The following SNX14 variants were observed in gnomAD, a reference collection of about 807,000 sequenced individuals.
The protein encoded by SNX14 is sorting nexin-14.
Under a neutral mutation model 133.8 loss-of-function variants are expected in SNX14, and 93 were observed. The observed-to-expected ratio is 0.70, with a 90% CI of 0.59 to 0.83. The LOEUF (loss-of-function observed/expected upper bound fraction) is 0.83. SNX14 is among the 40% of genes least tolerant of loss of function. The pLI, the probability that SNX14 is intolerant of heterozygous loss-of-function variation, is 0.00. For missense variants in SNX14, 945 were observed against 1,094.9 expected (o/e 0.86, Z 1.93); for synonymous variants, 368 against 365.6 (o/e 1.01, Z -0.07).
At chr6:85,580,852 A>G (rs1280271691) in intron 1 of SNX14, among the ~76,000 whole-genome samples, 4 of 152,054 alleles carry the variant, frequency 2.6e-5, no homozygotes, top group Non-Finnish European at 4.4e-5. Flanking sequence ...CACCAGGTAG[A>G]TTTCTAAGGT....
chr6:85,547,632 T>C (rs576015747), intron 9 of SNX14, 82 bp from the exon 10 acceptor site: 6 of 1,192,268 alleles, frequency 5.0e-6, no homozygotes, highest in Admixed American at 5.9e-5. Flanking sequence ...TATCATATTA[T>C]GTAAGTTTCT....
chr6:85,567,649 G>A, intron 4 of SNX14, 72 bp from the exon 5 acceptor site: 4 of 991,842 alleles, frequency 4.0e-6, no homozygotes, highest in Non-Finnish European at 5.8e-6. Context: ...TACCATTTGG[G>A]AATATGTAAC....
intron 26 of SNX14, among the ~76,000 whole-genome samples, chr6:85,510,785 A>G (rs968012595): frequency 1.3e-5 from 2 of 152,160 alleles, no homozygotes; most frequent in African/African-American, 4.8e-5. Flanking sequence ...AGTTGCTGTA[A>G]GTCTGTTCTT....
chr6:85,573,921 T>C (rs991301251), intron 2 of SNX14, among the ~76,000 whole-genome samples: 2 of 152,152 alleles, frequency 1.3e-5, no homozygotes, highest in Non-Finnish European at 2.9e-5. Flanking sequence ...TCCAACTTTC[T>C]GAAACTTTTG....
chr6:85,548,177 G>A, intron 9 of SNX14, 124 bp downstream of exon 9: 1 of 668,798 alleles, frequency 1.5e-6, no homozygotes, highest in Non-Finnish European at 2.5e-6. Context: ...TGGGGAATGG[G>A]GATGGTTGCA....
In SNX14 at chr6:85,590,917, A is replaced by G. The variant is rs1211964139; in HGVS notation, c.140+2662T>C. Among the ~76,000 whole-genome samples, 3 of 152,220 alleles carry G rather than the reference A, an allele frequency of 2.0e-5. No homozygotes were observed. In the East Asian group the frequency reaches 5.8e-4, roughly 29 times the overall value. ...TTTATTTATCTTGAAATGGCAGGCA[A>G]TCACAGCTGCAAACCTCAATCCATA... On this transcript the variant is annotated intron_variant, in intron 1 of 28. Transcript: ENST00000314673.
At chr6:85,530,328 G>T in intron 18 of SNX14, 53 bp from the exon 19 acceptor site, 1 of 1,146,090 alleles carries the variant, frequency 8.7e-7, no homozygotes, top group Non-Finnish European at 1.3e-6. Flanking sequence ...AAACCTAAAA[G>T]AATGCCATAT....
chr6:85,515,421 G>A (rs922401848), intron 23 of SNX14, among the ~76,000 whole-genome samples: 2 of 149,774 alleles, frequency 1.3e-5, no homozygotes, highest in Non-Finnish European at 3.0e-5. Context: ...ACTAAAACAA[G>A]ATATTAAGAA....
chr6:85,518,003 C>T lies in SNX14; in HGVS notation c.2148+5G>A. On this transcript the variant is annotated splice_donor_5th_base_variant and intron_variant, in intron 22 of 28. Coordinates refer to ENST00000314673, the MANE Select transcript of SNX14 (RefSeq NM_153816.6). ...TTATAGAACACACATAAATCAGTTA[C>T]TCACCTCTTTCATTAGTTTTCCAGG... is the stretch of plus-strand genomic sequence containing the variant. 6.2e-7 allele frequency: 1 copy of T among 1,601,880 alleles called. No homozygotes were observed. The highest frequency in any genetic ancestry group is 8.5e-7 in the Non-Finnish European group (1 of 1,173,828).
rs527678843 is a variant in SNX14, at chr6:85,567,542, C to T, written c.453G>A (p.Pro151=). Residue 151 remains proline, a synonymous_variant, in exon 5 of 29, where the codon CCG becomes CCA. Transcript: ENST00000314673. ...LELVLENFVY[P]WYRDVTDDES... ...TTATAGAAAGAACATACCTGTACCA[C>T]GGATAAACAAAGTTTTCCAACACTA... The T allele has an allele frequency of 1.1e-5, 16 of 1,502,328 alleles. No individual in the cohort carries two copies. Among genetic ancestry groups the T allele is most frequent in the South Asian group, 2.7e-5 (2 of 74,348 alleles). The allele number at this position is 1,502,328 out of a possible 1,614,324, so 93.1% of individuals were successfully genotyped here.
At chr6:85,537,848 C>G (rs1782428731) in intron 16 of SNX14, among the ~76,000 whole-genome samples, 1 of 152,102 alleles carries the variant, frequency 6.6e-6, no homozygotes, top group Non-Finnish European at 1.5e-5. Context: ...ACTAGGAAGG[C>G]TGACACAGAA....
intron 1 of SNX14, among the ~76,000 whole-genome samples, chr6:85,588,437 C>T (rs540586476): frequency 9.6e-4 from 145 of 151,446 alleles, no homozygotes; most frequent in African/African-American, 3.4e-3. Context: ...ATTAGCCGGG[C>T]GCGGTGGCGG....
intron 15 of SNX14, among the ~76,000 whole-genome samples, chr6:85,541,245 G>A (rs527523737): frequency 6.6e-5 from 10 of 152,168 alleles, no homozygotes; most frequent in East Asian, 5.8e-4. Flanking sequence ...CCCACGTCTC[G>A]GCCTCACAAA....
intron 1 of SNX14, among the ~76,000 whole-genome samples, chr6:85,580,028 G>A (rs541499291): frequency 7.2e-5 from 11 of 152,308 alleles, no homozygotes; most frequent in African/African-American, 2.6e-4. Flanking sequence ...GAAGGCTTGT[G>A]AAACCCCTCT....
intron 26 of SNX14, 25 bp from the exon 27 acceptor site, chr6:85,508,084 A>G: frequency 6.2e-7 from 1 of 1,603,738 alleles, no homozygotes; most frequent in Non-Finnish European, 8.5e-7. Context: ...CAAATGTGAA[A>G]TAATTTTATA....
intron 1 of SNX14, among the ~76,000 whole-genome samples, chr6:85,591,944 T>C (rs1802887580): frequency 6.6e-6 from 1 of 152,166 alleles, no homozygotes; most frequent in African/African-American, 2.4e-5. Context: ...ACCTGGAAGG[T>C]GGCTGTTGCA....
chr6:85,530,643 T>C (rs1460938856), intron 18 of SNX14, among the ~76,000 whole-genome samples: 1 of 128,004 alleles, frequency 7.8e-6, no homozygotes, highest in Non-Finnish European at 1.6e-5. Flanking sequence ...AGACTCTGTC[T>C]CAAAAAAAAA....
rs537331203 is a variant in SNX14 at position 85,514,765 on chromosome 6, A to G, written c.2269-136T>C. 61 of 729,426 alleles carry G rather than the reference A, an allele frequency of 8.4e-5. No individual in the cohort carries two copies. The South Asian group carries it at 1.6e-3, about 20-fold the overall frequency. The allele number at this position is 729,426 out of a possible 1,614,324, so 45.2% of individuals were successfully genotyped here. On this transcript the variant is annotated intron_variant, in intron 23 of 28. Transcript: ENST00000314673. ...AAAACAGAATATTAGATAGGTTAAT[A>G]TATGCTTCTAAAATTCCCCATTTAT...
intron 14 of SNX14, among the ~76,000 whole-genome samples, chr6:85,542,270 A>G (rs1783992131): frequency 6.6e-6 from 1 of 152,256 alleles, no homozygotes. Flanking sequence ...TCACTGCAGT[A>G]CTACAAAGCC....
Sources: allele counts gnomAD v4.1 joint callset (sites outside exome capture counted in the v4.1 genomes callset), GRCh38; gene constraint gnomAD v4.1.1; transcripts MANE v1.5; gene names NCBI Gene and HGNC (gene_info 2026-07-23, HGNC 2026-07-21).